The following SCN2A variants were observed in gnomAD, a reference collection of about 807,000 sequenced individuals.
SCN2A encodes the protein sodium voltage-gated channel alpha subunit 2, also known as sodium channel protein type 2 subunit alpha.
In SCN2A, 20 loss-of-function variants were observed where a neutral mutation model predicts 188.7. That is an observed-to-expected ratio of 0.11 (90% CI 0.07 to 0.15). SCN2A has a LOEUF of 0.15. Ranked by LOEUF, SCN2A falls within the 10% of genes least tolerant of loss-of-function variation. The pLI, the probability that SCN2A is intolerant of heterozygous loss-of-function variation, is 1.00. For missense variants in SCN2A, 1,278 were observed against 2,445.0 expected (o/e 0.52, Z 10.07); for synonymous variants, 804 against 833.1 (o/e 0.97, Z 0.60).
chr2:165,266,919 G>A (rs565186384), intron 1 of SCN2A: 1 of 152,084 alleles, frequency 6.6e-6, no homozygotes, highest in East Asian at 1.9e-4. Context: ...TCATTTTAAA[G>A]CATCAAAAAT....
Position 165,239,526 on chromosome 2 carries a change from CAT to C in SCN2A, c.-165_-164del. The C allele has an allele frequency of 2.0e-6, 1 of 495,302 alleles. No homozygotes were observed. The highest frequency in any genetic ancestry group is 2.6e-6 in the Non-Finnish European group (1 of 382,394). The allele number at this position is 495,302 out of a possible 1,614,324, so 30.7% of individuals were successfully genotyped here. On this transcript the variant is annotated 5_prime_UTR_variant, in exon 1 of 27. The change abolishes an upstream ATG in the 5' untranslated region. Transcript: ENST00000375437. ...TTTCTTCTTTAATGAGGATAGAGCACATGTGAGATTTTACTTTCTACTCCAGT... is the reference window on the plus strand; with the variant it reads ...TTTCTTCTTTAATGAGGATAGAGCACGTGAGATTTTACTTTCTACTCCAGT...
At chr2:165,350,193 C>G (rs1699810071) in intron 16 of SCN2A, among the ~76,000 whole-genome samples, 1 of 152,210 alleles carries the variant, frequency 6.6e-6, no homozygotes, top group South Asian at 2.1e-4. Context: ...ACAACTTCCT[C>G]TCTCCCTAAG....
At chr2:165,365,366 T>G in intron 18 of SCN2A, 103 bp downstream of exon 18, 1 of 1,144,246 alleles carries the variant, frequency 8.7e-7, no homozygotes, top group East Asian at 2.6e-5. Context: ...CTATTATCTA[T>G]CTATCTGTAT....
intron 1 of SCN2A, chr2:165,272,047 G>A (rs1695127036): frequency 6.6e-6 from 1 of 151,870 alleles, no homozygotes; most frequent in Admixed American, 6.6e-5. Flanking sequence ...CTTTTTGTGG[G>A]TGTATATTTT....
chr2:165,317,952 G>A (rs1205887925), intron 11 of SCN2A, among the ~76,000 whole-genome samples: 1 of 152,094 alleles, frequency 6.6e-6, no homozygotes, highest in African/African-American at 2.4e-5. Context: ...AAGGAGAAAA[G>A]GAAGAAGAGA....
chr2:165,284,600 G>A (rs1454281938), intron 1 of SCN2A, among the ~76,000 whole-genome samples: 2 of 152,176 alleles, frequency 1.3e-5, no homozygotes, highest in East Asian at 3.8e-4. Flanking sequence ...CCATAAAAGA[G>A]AATGGGGACT....
intron 23 of SCN2A, among the ~76,000 whole-genome samples, chr2:165,380,242 T>A (rs764803212): frequency 3.3e-5 from 5 of 151,834 alleles, no homozygotes; most frequent in Non-Finnish European, 7.4e-5. Flanking sequence ...TGACATAGAA[T>A]AATGTGACGC....
At chr2:165,252,424 AC>A (rs1196222604) in intron 1 of SCN2A, among the ~76,000 whole-genome samples, 2 of 152,100 alleles carry the variant, frequency 1.3e-5, no homozygotes, top group Non-Finnish European at 2.9e-5. Context: ...GATGAACAAA[AC>A]ACTACTTAAA....
At chr2:165,329,827 CTA>C (rs1231458180) in intron 13 of SCN2A, among the ~76,000 whole-genome samples, 2 of 151,962 alleles carry the variant, frequency 1.3e-5, no homozygotes, top group African/African-American at 4.8e-5. Context: ...TGCATAATAA[CTA>C]TATTTTTCTC....
rs751185390 is a variant in SCN2A at position 165,367,296 on chromosome 2, A to G, written c.3600A>G (p.Thr1200=). ...KGKLWWNLRK[T]CYKIVEHNWF... Reference sequence around the variant, plus strand: ...AACTCTGGTGGAATTTGAGGAAAACATGCTATAAGATAGTGGAGCACAATT... The same window carrying G: ...AACTCTGGTGGAATTTGAGGAAAACGTGCTATAAGATAGTGGAGCACAATT... The change falls in exon 19 of 27, where the codon ACA becomes ACG. Residue 1200 remains threonine, a synonymous_variant. Transcript: ENST00000375437. 5 of 1,614,058 alleles carry G rather than the reference A, an allele frequency of 3.1e-6. No homozygotes were observed. Among genetic ancestry groups the G allele is most frequent in the African/African-American group, 1.3e-5 (1 of 74,942 alleles).
intron 25 of SCN2A, 55 bp from the exon 26 acceptor site, chr2:165,386,691 G>T: frequency 6.5e-7 from 1 of 1,540,822 alleles, no homozygotes; most frequent in East Asian, 2.3e-5. Context: ...CAGAAGAATT[G>T]AATTCGATTT....
rs763967873 is a variant in SCN2A, at chr2:165,370,313, A to G, written c.3849+14A>G. On this transcript the variant is annotated intron_variant, in intron 20 of 26. Coordinates refer to ENST00000375437, the MANE Select transcript of SCN2A (RefSeq NM_001040142.2). ...CTGATTGTTGATGTGAGTATGCTGC[A>G]CTTTGCTGCTTTATTCATTGGCATA... The G allele has an allele frequency of 3.7e-6, 6 of 1,613,946 alleles. No homozygotes were observed. The South Asian group carries it at 4.4e-5, about 12-fold the overall frequency.
chr2:165,387,733 C>T (rs1465584820), intron 26 of SCN2A, among the ~76,000 whole-genome samples: 9 of 151,932 alleles, frequency 5.9e-5, no homozygotes, highest in Non-Finnish European at 1.0e-4. Flanking sequence ...AAGGTTCTAC[C>T]TATTTGGGGA....
At chr2:165,384,870 A>T (rs1701789859) in intron 25 of SCN2A, among the ~76,000 whole-genome samples, 1 of 152,140 alleles carries the variant, frequency 6.6e-6, no homozygotes, top group African/African-American at 2.4e-5. Flanking sequence ...ATACAGTAGA[A>T]CCTGCCTAAG....
intron 16 of SCN2A, among the ~76,000 whole-genome samples, chr2:165,352,004 G>A (rs955891456): frequency 2.6e-5 from 4 of 151,798 alleles, no homozygotes; most frequent in Non-Finnish European, 5.9e-5. Context: ...TAGAGTATTT[G>A]TCCAGTACAG....
rs190924982 is a variant in SCN2A at position 165,369,513 on chromosome 2, C to G, written c.3676-613C>G. ...CTTTAATCCAGGCTGCCAGGTTTTC[C>G]TGATAATTTTTCCGATAAGAAGATC... On this transcript the variant is annotated intron_variant, in intron 19 of 26. Coordinates refer to ENST00000375437, the MANE Select transcript of SCN2A (RefSeq NM_001040142.2). Among the ~76,000 whole-genome samples, 4 of 152,252 alleles carry G rather than the reference C, an allele frequency of 2.6e-5. No homozygotes were observed. In the East Asian group the frequency reaches 7.7e-4, roughly 29 times the overall value.
chr2:165,281,981 C>T (rs1268053837), intron 1 of SCN2A, among the ~76,000 whole-genome samples: 1 of 152,158 alleles, frequency 6.6e-6, no homozygotes, highest in African/African-American at 2.4e-5. Context: ...CACCCCTGCT[C>T]CCTGCCCAGG....
At chr2:165,371,711 G>A (rs1701036585) in intron 20 of SCN2A, 1 of 152,212 alleles carries the variant, frequency 6.6e-6, no homozygotes, top group African/African-American at 2.4e-5. Flanking sequence ...AACCTGAGAT[G>A]CCATCCAAGG....
chr2:165,294,256 G>T, intron 1 of SCN2A: 1 of 308,006 alleles, frequency 3.2e-6, no homozygotes, highest in Middle Eastern at 1.7e-3. Flanking sequence ...CTGGCTGCAT[G>T]TTTTAGCATG....
Sources: allele counts gnomAD v4.1 joint callset (sites outside exome capture counted in the v4.1 genomes callset), GRCh38; gene constraint gnomAD v4.1.1; transcripts MANE v1.5; gene names NCBI Gene and HGNC (gene_info 2026-07-23, HGNC 2026-07-21).